TYW1B: variants seen among roughly 807,000 people sequenced by gnomAD.
TYW1B encodes S-adenosyl-L-methionine-dependent tRNA 4-demethylwyosine synthase TYW1B.
TYW1B carries 73 observed loss-of-function variants against 86.9 expected under a neutral mutation model. The observed-to-expected ratio is 0.84, with a 90% CI of 0.70 to 1.02. TYW1B has a LOEUF of 1.02. Among genes scored for constraint, TYW1B ranks in the 50% least tolerant of loss-of-function variants. The pLI is 0.00. For missense variants in TYW1B, 637 were observed against 827.4 expected, an observed-to-expected ratio of 0.77 and a Z score of 2.82; for synonymous variants, 248 against 292.8, an observed-to-expected ratio of 0.85 and a Z score of 1.56.
intron 11 of TYW1B, among the ~76,000 whole-genome samples, chr7:72,654,453 A>C (rs13246860): frequency 6.6e-6 from 1 of 152,214 alleles, no homozygotes; most frequent in Non-Finnish European, 1.5e-5. Context: ...GAAACTGTCC[A>C]GCCTAGAGAA....
chr7:72,746,342 A>G (rs1787394148), intron 7 of TYW1B, among the ~76,000 whole-genome samples: 1 of 152,200 alleles, frequency 6.6e-6, no homozygotes, highest in African/African-American at 2.4e-5. Context: ...AATAAAATGT[A>G]CAAGGCAGCA....
At chr7:72,717,531 G>A (rs2844068) in intron 9 of TYW1B, among the ~76,000 whole-genome samples, 2 of 151,902 alleles carry the variant, frequency 1.3e-5, no homozygotes, top group Non-Finnish European at 1.5e-5. Flanking sequence ...ATGAATCCCC[G>A]GGTTGGCCAC....
chr7:72,662,038 T>C (rs1241520156), intron 11 of TYW1B, among the ~76,000 whole-genome samples: 1 of 152,190 alleles, frequency 6.6e-6, no homozygotes, highest in African/African-American at 2.4e-5. Context: ...CCAAAAAGAA[T>C]CACTGCCTTT....
chr7:72,754,167 T>G (rs1787548686), intron 7 of TYW1B, among the ~76,000 whole-genome samples: 1 of 152,094 alleles, frequency 6.6e-6, no homozygotes, highest in South Asian at 2.1e-4. Flanking sequence ...TGAGATGGAG[T>G]CTCGCTCTGT....
At chr7:72,697,970 T>G (rs1585910972) in intron 10 of TYW1B, 1 of 153,664 alleles carries the variant, frequency 6.5e-6, no homozygotes, top group African/African-American at 2.4e-5. Flanking sequence ...GCCTGACATA[T>G]CTGCAGGAAA....
intron 11 of TYW1B, among the ~76,000 whole-genome samples, chr7:72,679,824 G>C (rs1255425558): frequency 6.6e-6 from 1 of 152,292 alleles, no homozygotes; most frequent in East Asian, 1.9e-4. Flanking sequence ...ATACATAAGA[G>C]TGAAGTATAA....
intron 7 of TYW1B, among the ~76,000 whole-genome samples, chr7:72,755,999 G>A (rs1047946066): frequency 6.6e-6 from 1 of 152,040 alleles, no homozygotes. Context: ...AAGCCCAAGA[G>A]GGCACAATGG....
chr7:72,692,945 G>A (rs1814208891), intron 11 of TYW1B, among the ~76,000 whole-genome samples: 1 of 152,102 alleles, frequency 6.6e-6, no homozygotes, highest in Admixed American at 6.6e-5. Context: ...AGACAGTGAT[G>A]GGTTAGGAAT....
chr7:72,671,567 A>T (rs1418415014), intron 11 of TYW1B, among the ~76,000 whole-genome samples: 1 of 152,190 alleles, frequency 6.6e-6, no homozygotes, highest in African/African-American at 2.4e-5. Flanking sequence ...GATGAAGCTG[A>T]AGCAATTTAT....
chr7:72,591,333 T>C (rs1162178251), intron 13 of TYW1B, among the ~76,000 whole-genome samples: 1 of 151,826 alleles, frequency 6.6e-6, no homozygotes, highest in Non-Finnish European at 1.5e-5. Flanking sequence ...ATATAAACAT[T>C]GAAGAAGTTC....
In TYW1B at chr7:72,637,704, A is replaced by C. The variant is rs183681104; in HGVS notation, c.1507-8707T>G. Among the ~76,000 whole-genome samples, 23 of 152,036 alleles carry C rather than the reference A, an allele frequency of 1.5e-4. 1 individual carries two copies. The highest frequency in any genetic ancestry group is 1.3e-3 in the Admixed American group (20 of 15,270). On this transcript the variant is annotated intron_variant, in intron 11 of 13. Transcript: ENST00000620995. ...CTCTTTTCTTTTTAAAAAAAAAAAAAAACATTGTGGGTACCAATTAACTTC... is the reference window on the plus strand; with the variant it reads ...CTCTTTTCTTTTTAAAAAAAAAAAACAACATTGTGGGTACCAATTAACTTC...
At chr7:72,663,846 T>C (rs1241298863) in intron 11 of TYW1B, among the ~76,000 whole-genome samples, 2 of 151,224 alleles carry the variant, frequency 1.3e-5, no homozygotes, top group South Asian at 2.1e-4. Flanking sequence ...CGGACTCATG[T>C]TAATTTTTTT....
intron 13 of TYW1B, among the ~76,000 whole-genome samples, chr7:72,603,453 A>C (rs1811724334): frequency 6.6e-6 from 1 of 152,244 alleles, no homozygotes; most frequent in Non-Finnish European, 1.5e-5. Context: ...ACATTAATAA[A>C]TGAGGGAGAA....
chr7:72,662,418 TATATATATATAGATAGATAG>T (rs1371825662), intron 11 of TYW1B, among the ~76,000 whole-genome samples: 1,222 of 49,380 alleles, frequency 0.025, 10 homozygotes, highest in South Asian at 0.046. Flanking sequence ...AGGTTTTTAA[TATATATATATAGATAGATAG>T]ATAGATAGAT....
chr7:72,728,691 C>T (rs536862684), intron 9 of TYW1B, 131 bp downstream of exon 9: 23 of 867,990 alleles, frequency 2.6e-5, no homozygotes, highest in South Asian at 2.2e-4. Flanking sequence ...AATATTCCTA[C>T]GAAGTTTTCA....
chr7:72,758,765 A>G (rs1469293796), intron 7 of TYW1B, among the ~76,000 whole-genome samples: 1 of 152,158 alleles, frequency 6.6e-6, no homozygotes, highest in Non-Finnish European at 1.5e-5. Flanking sequence ...CCTTTTCTGG[A>G]AAGTATTTTC....
At chr7:72,725,252 G>A (rs1360189724) in intron 9 of TYW1B, among the ~76,000 whole-genome samples, 11 of 152,160 alleles carry the variant, frequency 7.2e-5, no homozygotes, top group Admixed American at 2.0e-4. Context: ...AACTCAGATC[G>A]TCATTCTGTA....
intron 5 of TYW1B, among the ~76,000 whole-genome samples, chr7:72,804,622 G>A (rs1788462792): frequency 6.6e-6 from 1 of 152,194 alleles, no homozygotes; most frequent in Admixed American, 6.5e-5. Flanking sequence ...AGGATCACTT[G>A]AGCTCAGGAG....
intron 7 of TYW1B, among the ~76,000 whole-genome samples, chr7:72,745,243 T>C (rs1406480272): frequency 1.3e-5 from 2 of 152,150 alleles, no homozygotes; most frequent in Non-Finnish European, 1.5e-5. Flanking sequence ...AGGCTGGTCT[T>C]GAACTCCTGG....
Sources: allele counts gnomAD v4.1 joint callset (sites outside exome capture counted in the v4.1 genomes callset), GRCh38; gene constraint gnomAD v4.1.1; transcripts MANE v1.5; gene names NCBI Gene and HGNC (gene_info 2026-07-23, HGNC 2026-07-21).